Variants in MTA3 observed in about 807,000 individuals in gnomAD.
MTA3 encodes metastasis associated 1 family member 3, also known as metastasis-associated protein MTA3.
Under a neutral mutation model 83.5 loss-of-function variants are expected in MTA3, and 34 were observed. That is an observed-to-expected ratio of 0.41 (90% confidence interval 0.31 to 0.54). The LOEUF (loss-of-function observed/expected upper bound fraction) is 0.54. Ranked by LOEUF, MTA3 falls within the 20% of genes least tolerant of loss-of-function variation. The probability of loss-of-function intolerance (pLI) is 0.33; values close to 1 mark genes in which losing one functional copy is unlikely to be tolerated. For missense variants in MTA3, 761 were observed against 726.4 expected (o/e 1.05, Z -0.55); for synonymous variants, 303 against 252.7 (o/e 1.20, Z -1.89).
intron 3 of MTA3, among the ~76,000 whole-genome samples, chr2:42,587,450 C>T (rs1680475909): frequency 6.6e-6 from 1 of 152,174 alleles, no homozygotes; most frequent in Non-Finnish European, 1.5e-5. Flanking sequence ...CTTCTGGTGT[C>T]TTTTCCAGTG....
In MTA3 at chr2:42,753,542, C is replaced by G. The variant is rs898809863; in HGVS notation, c.*143C>G. 6.1e-6 allele frequency: 9 copies of G among 1,477,090 alleles called. No homozygotes were observed. The South Asian group carries it at 1.2e-4, about 20-fold the overall frequency. The allele number at this position is 1,477,090 out of a possible 1,614,324, so 91.5% of individuals were successfully genotyped here. A position where few individuals can be genotyped will look rare whatever the true frequency, so the allele number is the denominator to read the frequency against. ...GTGCATCCATGGAGACGCAATGGGGCGGGGAAGGAACTGTGGGAGTGCACG... is the reference window on the plus strand; with the variant it reads ...GTGCATCCATGGAGACGCAATGGGGGGGGGAAGGAACTGTGGGAGTGCACG... On this transcript the variant is annotated 3_prime_UTR_variant, in exon 17 of 17. Coordinates refer to ENST00000405094, the MANE Select transcript of MTA3 (RefSeq NM_001330442.2).
In MTA3 at chr2:42,631,695, A is replaced by T. The variant is rs543155448; in HGVS notation, c.318-8478A>T. Among the ~76,000 whole-genome samples the T allele has an allele frequency of 4.6e-5, 7 of 152,156 alleles. No individual in the cohort carries two copies. In the South Asian group the frequency reaches 1.5e-3, roughly 32 times the overall value. Reference sequence around the variant, plus strand: ...TTTAGTTATTTTGTATTATTATTTTATTATTATTTTTTGAGACGGAGTCTC... The same window carrying T: ...TTTAGTTATTTTGTATTATTATTTTTTTATTATTTTTTGAGACGGAGTCTC... On this transcript the variant is annotated intron_variant, in intron 4 of 16. Transcript: ENST00000405094.
chr2:42,701,974 G>C (rs1475786488), intron 11 of MTA3, among the ~76,000 whole-genome samples: 11 of 151,868 alleles, frequency 7.2e-5, no homozygotes, highest in Non-Finnish European at 1.3e-4. Context: ...ACTTTGGGAG[G>C]CTGAGGTGGG....
intron 2 of MTA3, among the ~76,000 whole-genome samples, chr2:42,545,530 C>T (rs1676723256): frequency 6.6e-6 from 1 of 151,976 alleles, no homozygotes; most frequent in South Asian, 2.1e-4. Context: ...CAGATAGAAT[C>T]AATGAGTTGG....
At chr2:42,670,741 A>G (rs563484748) in intron 8 of MTA3, among the ~76,000 whole-genome samples, 124 of 123,408 alleles carry the variant, frequency 1.0e-3, no homozygotes, top group South Asian at 2.3e-3. Context: ...ATAAACTCTA[A>G]CACTATATAT....
At chr2:42,677,340 T>TTTTTTTA (rs1558572639) in intron 8 of MTA3, among the ~76,000 whole-genome samples, 1 of 152,046 alleles carries the variant, frequency 6.6e-6, no homozygotes, top group East Asian at 1.9e-4. Flanking sequence ...TGATTTATTT[T>TTTTTTTA]TTTTTTATTT....
At chr2:42,642,783 TACAGGTGCCTGCCACC>T (rs6146737) in intron 5 of MTA3, among the ~76,000 whole-genome samples, 113,081 of 151,548 alleles carry the variant, frequency 0.75, 42,482 homozygotes, top group South Asian at 0.88. Context: ...CAGCTGGGAT[TACAGGTGCCTGCCACC>T]ACACCCGGCT....
At chr2:42,521,055 T>C (rs1217389914) in intron 2 of MTA3, among the ~76,000 whole-genome samples, 1 of 152,224 alleles carries the variant, frequency 6.6e-6, no homozygotes, top group Non-Finnish European at 1.5e-5. Context: ...ACTTCTTGTG[T>C]AATCACCTCC....
intron 4 of MTA3, among the ~76,000 whole-genome samples, chr2:42,621,132 G>GA (rs368458820): frequency 7.3e-6 from 1 of 137,390 alleles, no homozygotes; most frequent in African/African-American, 2.7e-5. Flanking sequence ...TCTTATTAGA[G>GA]TTTTTTTTTT....
intron 3 of MTA3, among the ~76,000 whole-genome samples, chr2:42,598,685 A>G (rs1682152807): frequency 6.6e-6 from 1 of 152,220 alleles, no homozygotes; most frequent in African/African-American, 2.4e-5. Context: ...GGGCAGATAA[A>G]TTAACGTTGT....
At chr2:42,672,603 C>G (rs1278915622) in intron 8 of MTA3, among the ~76,000 whole-genome samples, 2 of 138,058 alleles carry the variant, frequency 1.4e-5, no homozygotes, top group African/African-American at 2.7e-5. Context: ...CGAGATCGTG[C>G]CACTGAACTC....
intron 2 of MTA3, among the ~76,000 whole-genome samples, chr2:42,499,323 AC>A (rs1674291666): frequency 1.3e-5 from 2 of 151,042 alleles, no homozygotes; most frequent in African/African-American, 4.9e-5. Context: ...ATGCACCATC[AC>A]CCCGGCTAAT....
intron 8 of MTA3, among the ~76,000 whole-genome samples, chr2:42,667,635 G>GT (rs1690397991): frequency 1.3e-5 from 2 of 149,740 alleles, no homozygotes; most frequent in South Asian, 2.1e-4. Context: ...GAGAGAGAGA[G>GT]AGAGAGAGAG....
chr2:42,533,814 A>G (rs1459292560), intron 2 of MTA3, among the ~76,000 whole-genome samples: 7 of 141,354 alleles, frequency 5.0e-5, no homozygotes. Flanking sequence ...CCTGGGTGAC[A>G]GAGCGAGACT....
chr2:42,643,725 A>G (rs2104313079), intron 5 of MTA3, among the ~76,000 whole-genome samples: 1 of 152,310 alleles, frequency 6.6e-6, no homozygotes, highest in African/African-American at 2.4e-5. Context: ...AAGTAAGAGT[A>G]CCTGGTATCT....
At chr2:42,578,162 G>C (rs974129397) in intron 2 of MTA3, among the ~76,000 whole-genome samples, 3 of 152,114 alleles carry the variant, frequency 2.0e-5, no homozygotes, top group African/African-American at 7.2e-5. Flanking sequence ...TAAGACCAGA[G>C]AAATTTCTGA....
chr2:42,542,499 T>C (rs7570932), intron 2 of MTA3, among the ~76,000 whole-genome samples: 51,605 of 152,130 alleles, frequency 0.34, 8,840 homozygotes, highest in South Asian at 0.41. Flanking sequence ...CACCCCTTGT[T>C]AGCTTAAACC....
chr2:42,745,548 A>T (rs1250696973), intron 16 of MTA3, among the ~76,000 whole-genome samples: 6 of 152,046 alleles, frequency 3.9e-5, no homozygotes, highest in Non-Finnish European at 8.8e-5. Context: ...TAGTTTTTAA[A>T]ATTTATTTTT....
chr2:42,729,624 G>C (rs527500602), intron 16 of MTA3, among the ~76,000 whole-genome samples: 2 of 152,012 alleles, frequency 1.3e-5, no homozygotes, highest in South Asian at 4.1e-4. Flanking sequence ...TTGTTTCTGG[G>C]TTCTCCATTC....
Sources: allele counts gnomAD v4.1 joint callset (sites outside exome capture counted in the v4.1 genomes callset), GRCh38; gene constraint gnomAD v4.1.1; transcripts MANE v1.5; gene names NCBI Gene and HGNC (gene_info 2026-07-23, HGNC 2026-07-21).